RMDN2: variants seen among roughly 807,000 people sequenced by gnomAD.
The protein encoded by RMDN2 is regulator of microtubule dynamics protein 2.
In RMDN2, 61 loss-of-function variants were observed where a neutral mutation model predicts 52.8. That is an observed-to-expected ratio of 1.16 (90% confidence interval 0.94 to 1.43). RMDN2 has a LOEUF of 1.43. Among genes scored for constraint, RMDN2 ranks in the 40% most tolerant of loss-of-function variants. The pLI is 0.00. For missense variants in RMDN2, 592 were observed against 475.3 expected, an observed-to-expected ratio of 1.25 and a Z score of -2.28; for synonymous variants, 180 against 153.1, an observed-to-expected ratio of 1.18 and a Z score of -1.30.
At chr2:37,944,495 G>T (rs547371941) in intron 2 of RMDN2, among the ~76,000 whole-genome samples, 1 of 152,308 alleles carries the variant, frequency 6.6e-6, no homozygotes, top group East Asian at 1.9e-4. Context: ...GGCCCACAGG[G>T]TGTAGTTTGC....
At chr2:37,967,517 A>G (rs1322209921) in intron 2 of RMDN2, among the ~76,000 whole-genome samples, 1 of 152,256 alleles carries the variant, frequency 6.6e-6, no homozygotes, top group Non-Finnish European at 1.5e-5. Context: ...TGTCATGGCA[A>G]CAGACTTTTG....
At chr2:38,024,250 T>A (rs1044386327) in intron 10 of RMDN2, among the ~76,000 whole-genome samples, 5 of 152,198 alleles carry the variant, frequency 3.3e-5, no homozygotes, top group African/African-American at 7.2e-5. Flanking sequence ...CTATGAAAAT[T>A]CATATAAATG....
intron 2 of RMDN2, chr2:37,951,583 G>T (rs761349993): frequency 1.2e-6 from 2 of 1,613,014 alleles, no homozygotes; most frequent in East Asian, 2.2e-5. Flanking sequence ...TTTATTTCCC[G>T]CAGAAGACGT....
intron 1 of RMDN2, among the ~76,000 whole-genome samples, chr2:37,926,292 A>G (rs1237823902): frequency 6.6e-6 from 1 of 152,234 alleles, no homozygotes; most frequent in Non-Finnish European, 1.5e-5. Flanking sequence ...ACATCAAAAA[A>G]TTAATTTTAA....
intron 2 of RMDN2, among the ~76,000 whole-genome samples, chr2:37,967,320 A>G (rs1272985987): frequency 6.6e-6 from 1 of 152,212 alleles, no homozygotes; most frequent in Non-Finnish European, 1.5e-5. Flanking sequence ...GCAGAGAAGA[A>G]CAGAGCTTTC....
intron 10 of RMDN2, among the ~76,000 whole-genome samples, chr2:38,062,631 T>C (rs564443107): frequency 6.6e-6 from 1 of 152,116 alleles, no homozygotes; most frequent in Non-Finnish European, 1.5e-5. Flanking sequence ...TTTATTATTA[T>C]TATACTTTAA....
rs759826005 is a variant in RMDN2, at chr2:37,991,308, T to G, written c.945+11T>G. On this transcript the variant is annotated intron_variant, in intron 7 of 10. Transcript: ENST00000354545. ...AGATACTGCTATACTGTAAGTTGAA[T>G]GCCTTTATTTATAAACTTTATTTGA... 3.7e-6 allele frequency: 5 copies of G among 1,354,060 alleles called. No individual in the cohort carries two copies. In the South Asian group the frequency reaches 7.8e-5, roughly 21 times the overall value. 83.9% of individuals were successfully genotyped at this position (1,354,060 alleles called of 1,614,324 possible).
chr2:37,930,394 C>T (rs998390193), intron 2 of RMDN2, among the ~76,000 whole-genome samples: 3 of 152,098 alleles, frequency 2.0e-5, no homozygotes, highest in African/African-American at 4.8e-5. Flanking sequence ...TCAGCTCACC[C>T]GAGGGCCAAT....
At chr2:38,044,686 A>G (rs1405733357) in intron 10 of RMDN2, among the ~76,000 whole-genome samples, 1 of 151,992 alleles carries the variant, frequency 6.6e-6, no homozygotes, top group Non-Finnish European at 1.5e-5. Flanking sequence ...CTGATGAACT[A>G]TCAAAGAATT....
At chr2:37,995,322 G>GACTACTACTACTACTACT (rs3056282) in intron 7 of RMDN2, among the ~76,000 whole-genome samples, 173 of 147,218 alleles carry the variant, frequency 1.2e-3, no homozygotes, top group African/African-American at 1.7e-3. Context: ...AAGAGGGGAT[G>GACTACTACTACTACTACT]ACTACTACTA....
upstream of RMDN2, among the ~76,000 whole-genome samples, chr2:37,924,737 A>C (rs573415862): frequency 1.8e-4 from 28 of 152,334 alleles, no homozygotes; most frequent in South Asian, 1.9e-3. Flanking sequence ...TAAAACCTTA[A>C]ATGTCAGGCA....
chr2:38,000,427 C>T (rs1676159688), intron 8 of RMDN2, among the ~76,000 whole-genome samples: 1 of 152,206 alleles, frequency 6.6e-6, no homozygotes, highest in Admixed American at 6.5e-5. Flanking sequence ...TATGTAACCA[C>T]CACTGTAACC....
At chr2:37,965,222 A>T (rs994812969) in intron 2 of RMDN2, among the ~76,000 whole-genome samples, 3 of 151,916 alleles carry the variant, frequency 2.0e-5, no homozygotes, top group Non-Finnish European at 4.4e-5. Flanking sequence ...TCCCATTTAT[A>T]TTTGAAGTCA....
intron 2 of RMDN2, among the ~76,000 whole-genome samples, chr2:37,936,839 AG>A (rs2124914571): frequency 6.6e-6 from 1 of 152,272 alleles, no homozygotes; most frequent in South Asian, 2.1e-4. Flanking sequence ...CCCATTCTGT[AG>A]GGTGCCTGTT....
intron 1 of RMDN2, among the ~76,000 whole-genome samples, chr2:37,926,418 A>T (rs1473456617): frequency 6.7e-6 from 1 of 149,784 alleles, no homozygotes; most frequent in East Asian, 1.9e-4. Context: ...CTTGATTCTC[A>T]TCTCAACCTT....
intron 2 of RMDN2, chr2:37,951,674 G>A (rs760132907): frequency 6.2e-7 from 1 of 1,613,162 alleles, no homozygotes; most frequent in South Asian, 1.1e-5. Flanking sequence ...GCCAGAATGT[G>A]TTTAATCTAA....
intron 5 of RMDN2, among the ~76,000 whole-genome samples, chr2:37,986,087 C>G (rs1288757104): frequency 6.6e-6 from 1 of 151,906 alleles, no homozygotes; most frequent in East Asian, 1.9e-4. Context: ...AGAAAGTGGC[C>G]TAAAGTTTTA....
intron 4 of RMDN2, among the ~76,000 whole-genome samples, chr2:37,979,885 A>G (rs1673078858): frequency 6.6e-6 from 1 of 152,198 alleles, no homozygotes; most frequent in Admixed American, 6.5e-5. Context: ...ATTAAAAAGC[A>G]TGTTTTTAAT....
intron 8 of RMDN2, among the ~76,000 whole-genome samples, chr2:37,998,835 GT>G (rs1299187733): frequency 6.6e-6 from 1 of 152,052 alleles, no homozygotes; most frequent in Non-Finnish European, 1.5e-5. Flanking sequence ...AACTTAATTT[GT>G]TGCATTTCAC....
Sources: gnomAD v4.1 joint callset for allele counts (sites outside exome capture counted in the v4.1 genomes callset) on GRCh38, gnomAD v4.1.1 for gene constraint, MANE v1.5 for transcripts, NCBI Gene and HGNC (gene_info 2026-07-23, HGNC 2026-07-21) for gene names.